The following CENPW variants were observed in gnomAD, a reference collection of about 807,000 sequenced individuals.
CENPW encodes the protein cancer-up-regulated gene 2 protein.
A neutral mutation model predicts 11.1 loss-of-function variants in CENPW; 3 were observed. The ratio of observed to expected loss-of-function variants is 0.27; its 90% CI spans 0.12 to 0.70. CENPW has a LOEUF of 0.70. Among genes scored for constraint, CENPW ranks in the 30% least tolerant of loss-of-function variants. The pLI is 0.77. For missense variants in CENPW, 100 were observed against 105.6 expected, an observed-to-expected ratio of 0.95 and a Z score of 0.23; for synonymous variants, 38 against 42.0, an observed-to-expected ratio of 0.91 and a Z score of 0.37.
the CENPW span, among the ~76,000 whole-genome samples, chr6:126,434,833 T>C: frequency 1.3e-5 from 2 of 151,988 alleles, no homozygotes; most frequent in Admixed American, 1.3e-4. Context: ...ATCTAAGTTC[T>C]GGAGGAGACA....
At chr6:126,449,359 T>C in the CENPW span, among the ~76,000 whole-genome samples, 3 of 151,084 alleles carry the variant, frequency 2.0e-5, no homozygotes, top group Non-Finnish European at 4.5e-5. Flanking sequence ...GACTTATTTA[T>C]ATTTGAAATT....
At chr6:126,433,043 C>T in the CENPW span, among the ~76,000 whole-genome samples, 12 of 152,178 alleles carry the variant, frequency 7.9e-5, no homozygotes, top group Non-Finnish European at 1.8e-4. Flanking sequence ...CCAGCCTGCT[C>T]AGTGGAGGCC....
the CENPW span, among the ~76,000 whole-genome samples, chr6:126,460,682 T>C: frequency 3.3e-5 from 5 of 151,756 alleles, no homozygotes; most frequent in Middle Eastern, 3.4e-3. Context: ...GCTATTGCAA[T>C]GGGGGAAAAG....
chr6:126,397,103 C>T, the CENPW span, among the ~76,000 whole-genome samples: 1 of 152,000 alleles, frequency 6.6e-6, no homozygotes, highest in South Asian at 2.1e-4. Flanking sequence ...GACTCCAAGC[C>T]CAGCACAGCA....
chr6:126,340,325 C>T lies in CENPW; in HGVS notation c.52C>T (p.Pro18Ser). The change falls in exon 1 of 3, where the codon CCC (proline) becomes TCC (serine). Residue 18 changes from proline (P) to serine (S), a missense_variant. Pro to Ser is a moderately conservative substitution (Grantham distance 74, BLOSUM62 -1). Transcript: ENST00000368328. ...GAGGAAGCAGATAAAGCGGAAGGCT[C>T]CCCGTGGCTTTCTAAAGCGAGTCTT... is the stretch of plus-strand genomic sequence containing the variant. ...SQRKQIKRKA[P>S]RGFLKRVFKR... is the part of the protein sequence containing the mutation. 2 of 1,614,024 alleles carry T rather than the reference C, an allele frequency of 1.2e-6. No homozygotes were observed. The highest frequency in any genetic ancestry group is 2.2e-5 in the South Asian group (2 of 91,068).
the CENPW span, among the ~76,000 whole-genome samples, chr6:126,477,709 G>T: frequency 6.6e-6 from 1 of 152,082 alleles, no homozygotes; most frequent in South Asian, 2.1e-4. Context: ...TAGTAAGATG[G>T]CAGGTAGTTT....
At chr6:126,353,888 C>T in the CENPW span, among the ~76,000 whole-genome samples, 1 of 151,978 alleles carries the variant, frequency 6.6e-6, no homozygotes, top group Non-Finnish European at 1.5e-5. Flanking sequence ...TTCTACATTT[C>T]AGATCATGTG....
the CENPW span, among the ~76,000 whole-genome samples, chr6:126,419,362 C>A: frequency 6.6e-6 from 1 of 152,018 alleles, no homozygotes; most frequent in South Asian, 2.1e-4. Context: ...CTTTGACAGA[C>A]AAAATGCAAA....
At chr6:126,426,253 A>T in the CENPW span, among the ~76,000 whole-genome samples, 10 of 152,212 alleles carry the variant, frequency 6.6e-5, no homozygotes, top group African/African-American at 2.4e-4. Context: ...ACAACCAAGT[A>T]GGAAAATGGA....
intron 1 of CENPW, among the ~76,000 whole-genome samples, chr6:126,342,787 G>A (rs1434989202): frequency 6.6e-6 from 1 of 151,946 alleles, no homozygotes; most frequent in Non-Finnish European, 1.5e-5. Flanking sequence ...TGTATTCCTG[G>A]TGTTTTGCAT....
the CENPW span, among the ~76,000 whole-genome samples, chr6:126,458,848 C>G: frequency 5.3e-4 from 80 of 151,196 alleles, 1 homozygote; most frequent in African/African-American, 1.6e-3. Flanking sequence ...TAAAATGTAC[C>G]TTATATGTCT....
At chr6:126,397,475 C>T in the CENPW span, among the ~76,000 whole-genome samples, 1 of 152,088 alleles carries the variant, frequency 6.6e-6, no homozygotes, top group Admixed American at 6.5e-5. Context: ...TCTTTCCTAC[C>T]CTCTTCAGTG....
At chr6:126,460,955 G>A in the CENPW span, among the ~76,000 whole-genome samples, 4 of 151,838 alleles carry the variant, frequency 2.6e-5, no homozygotes, top group Non-Finnish European at 2.9e-5. Context: ...AGGCACAGAC[G>A]ATATCTATTT....
At chr6:126,363,857 C>T in the CENPW span, among the ~76,000 whole-genome samples, 13 of 152,128 alleles carry the variant, frequency 8.5e-5, no homozygotes, top group Admixed American at 3.3e-4. Flanking sequence ...TTGCTGCTTT[C>T]GAGGGAGTTT....
the CENPW span, among the ~76,000 whole-genome samples, chr6:126,414,266 A>C: frequency 3.3e-4 from 50 of 152,204 alleles, 1 homozygote; most frequent in Admixed American, 3.1e-3. Context: ...TCTAGAAACA[A>C]AATCCACAAT....
chr6:126,367,186 T>G, the CENPW span, among the ~76,000 whole-genome samples: 8 of 152,192 alleles, frequency 5.3e-5, no homozygotes, highest in African/African-American at 1.9e-4. Flanking sequence ...TTTTATTAAT[T>G]ATTTTTAAAT....
chr6:126,408,473 C>T, the CENPW span, among the ~76,000 whole-genome samples: 2 of 152,210 alleles, frequency 1.3e-5, no homozygotes, highest in East Asian at 3.9e-4. Context: ...TCCCATGATT[C>T]AATTACCTCC....
the CENPW span, among the ~76,000 whole-genome samples, chr6:126,382,737 A>T: frequency 5.3e-5 from 8 of 151,976 alleles, no homozygotes. Context: ...TAACAAGAAT[A>T]AAAAAAATTA....
the CENPW span, among the ~76,000 whole-genome samples, chr6:126,453,314 G>A: frequency 6.6e-6 from 1 of 151,086 alleles, no homozygotes; most frequent in East Asian, 1.9e-4. Flanking sequence ...ATAGAGAGAA[G>A]GGGCAGGTAA....
Sources: allele counts gnomAD v4.1 joint callset (sites outside exome capture counted in the v4.1 genomes callset), GRCh38; gene constraint gnomAD v4.1.1; transcripts MANE v1.5; gene names NCBI Gene and HGNC (gene_info 2026-07-23, HGNC 2026-07-21).